KLHL32: variants seen among roughly 807,000 people sequenced by gnomAD.
KLHL32 encodes the protein kelch like family member 32, also known as kelch-like protein 32.
A neutral mutation model predicts 64.8 loss-of-function variants in KLHL32; 35 were observed. That is an observed-to-expected ratio of 0.54 (90% CI 0.41 to 0.72). The LOEUF (loss-of-function observed/expected upper bound fraction) is 0.72. KLHL32 is among the 30% of genes least tolerant of loss of function. The pLI is 0.00. For missense variants in KLHL32, 589 were observed against 768.5 expected (o/e 0.77, Z 2.76); for synonymous variants, 259 against 281.0 (o/e 0.92, Z 0.78).
intron 3 of KLHL32, among the ~76,000 whole-genome samples, chr6:97,011,982 G>A (rs1346769208): frequency 6.6e-6 from 1 of 151,302 alleles, no homozygotes; most frequent in African/African-American, 2.4e-5. Flanking sequence ...CTTTACAGAT[G>A]ATGAATTAAA....
chr6:96,923,303 A>T (rs1480753738), upstream of KLHL32, among the ~76,000 whole-genome samples: 4 of 152,188 alleles, frequency 2.6e-5, no homozygotes, highest in African/African-American at 9.7e-5. Context: ...AGTCACTGTC[A>T]ATATTTTTGG....
intron 3 of KLHL32, among the ~76,000 whole-genome samples, chr6:97,038,919 C>A (rs1446723664): frequency 6.6e-6 from 1 of 150,920 alleles, no homozygotes; most frequent in African/African-American, 2.4e-5. Flanking sequence ...GGTGAAACCC[C>A]GCTCTACTAA....
chr6:97,031,612 A>C (rs1437094928), intron 3 of KLHL32, among the ~76,000 whole-genome samples: 1 of 152,166 alleles, frequency 6.6e-6, no homozygotes, highest in East Asian at 1.9e-4. Context: ...TGGTGGGATT[A>C]TAGTCATGAC....
chr6:97,007,456 C>G (rs1479867437), intron 3 of KLHL32, among the ~76,000 whole-genome samples: 2 of 152,030 alleles, frequency 1.3e-5, no homozygotes, highest in Non-Finnish European at 2.9e-5. Context: ...GATCTTTGTT[C>G]CTATCCATAT....
chr6:96,961,447 A>G (rs1359994265), intron 1 of KLHL32, among the ~76,000 whole-genome samples: 1 of 152,180 alleles, frequency 6.6e-6, no homozygotes, highest in East Asian at 1.9e-4. Context: ...CTTTCTTTGT[A>G]TGTCATCAAG....
In KLHL32 at chr6:97,139,201, A is replaced by G. The variant is rs1252015135; in HGVS notation, c.1782A>G (p.Ala594=). The G allele has an allele frequency of 2.5e-6, 4 of 1,613,958 alleles. No homozygotes were observed. In the Admixed American group the frequency reaches 6.7e-5, roughly 27 times the overall value. The change falls in exon 11 of 11, where the codon GCA becomes GCG. Residue 594 remains alanine (A), a synonymous_variant. Transcript: ENST00000369261. ...CTTTTGCTTCCAATGGAATAGCAGCATGCTTCCTTCCAGCTCCATATTTTA... is the reference window on the plus strand; with the variant it reads ...CTTTTGCTTCCAATGGAATAGCAGCGTGCTTCCTTCCAGCTCCATATTTTA... ...TLPFASNGIA[A]CFLPAPYFTC... is the part of the protein sequence containing the mutation.
At chr6:97,075,566 T>A (rs1791468382) in intron 5 of KLHL32, among the ~76,000 whole-genome samples, 2 of 152,176 alleles carry the variant, frequency 1.3e-5, no homozygotes, top group South Asian at 4.1e-4. Context: ...CTTTCCTATA[T>A]AACTGATCCC....
In KLHL32 at chr6:97,107,670, A is replaced by C. The variant is rs549815976; in HGVS notation, c.628-6113A>C. 2.6e-5 allele frequency among the ~76,000 whole-genome samples: 4 copies of C among 152,342 alleles called. No individual in the cohort carries two copies. The East Asian group carries it at 7.7e-4, about 29-fold the overall frequency. On this transcript the variant is annotated intron_variant, in intron 6 of 10. Transcript: ENST00000369261. ...AAGAAAACAAGGGCTTATGAATCTAAGTTTAGGGCACTGTATGCTGCAGTG... is the reference window on the plus strand; with the variant it reads ...AAGAAAACAAGGGCTTATGAATCTACGTTTAGGGCACTGTATGCTGCAGTG...
chr6:97,106,138 G>T (rs1336126644), intron 6 of KLHL32, among the ~76,000 whole-genome samples: 1 of 152,058 alleles, frequency 6.6e-6, no homozygotes, highest in African/African-American at 2.4e-5. Context: ...GTCTGAGTGT[G>T]TTTCACATGA....
At chr6:96,965,995 C>A (rs1417231310) in intron 1 of KLHL32, among the ~76,000 whole-genome samples, 1 of 152,080 alleles carries the variant, frequency 6.6e-6, no homozygotes, top group Non-Finnish European at 1.5e-5. Context: ...TGCAGTCATA[C>A]CAATTGAGGG....
At chr6:96,928,857 A>G (rs544828994) in intron 1 of KLHL32, among the ~76,000 whole-genome samples, 24 of 151,516 alleles carry the variant, frequency 1.6e-4, no homozygotes, top group Admixed American at 8.5e-4. Context: ...TCTTACAGAT[A>G]CAGATTTTAA....
intron 5 of KLHL32, among the ~76,000 whole-genome samples, chr6:97,074,310 AG>A (rs1277321482): frequency 6.6e-6 from 1 of 152,190 alleles, no homozygotes; most frequent in Non-Finnish European, 1.5e-5. Context: ...TGTCTGAACT[AG>A]GGAGCACAGT....
At chr6:97,116,378 G>A (rs764155419) in intron 7 of KLHL32, among the ~76,000 whole-genome samples, 1 of 152,012 alleles carries the variant, frequency 6.6e-6, no homozygotes, top group Non-Finnish European at 1.5e-5. Flanking sequence ...CAGCAAATAA[G>A]TCTTTGCTAA....
intron 5 of KLHL32, among the ~76,000 whole-genome samples, chr6:97,075,798 AT>A (rs1298488791): frequency 1.3e-5 from 2 of 152,156 alleles, no homozygotes; most frequent in African/African-American, 4.8e-5. Context: ...ACAACTGGGT[AT>A]GGTGCCTTGG....
chr6:97,111,032 G>C (rs549690687), intron 6 of KLHL32, among the ~76,000 whole-genome samples: 14 of 145,614 alleles, frequency 9.6e-5, no homozygotes, highest in South Asian at 2.1e-4. Context: ...AAAAGTCTTG[G>C]GGGGGGGGGG....
rs529114235 is a variant in KLHL32 at position 96,978,755 on chromosome 6, C to T, written c.204+2578C>T. 2.1e-4 allele frequency among the ~76,000 whole-genome samples: 32 copies of T among 152,302 alleles called. No homozygotes were observed. In the South Asian group the frequency reaches 4.6e-3, roughly 22 times the overall value. On this transcript the variant is annotated intron_variant, in intron 3 of 10. Coordinates refer to ENST00000369261, the MANE Select transcript of KLHL32 (RefSeq NM_052904.4). ...ACAATGACTGAACTAATTTGCATTG[C>T]CACCAGCAGTGTATCAGCATTCTCT... is the stretch of plus-strand genomic sequence containing the variant.
chr6:96,908,786 C>T, the KLHL32 span, among the ~76,000 whole-genome samples: 1 of 152,016 alleles, frequency 6.6e-6, no homozygotes, highest in African/African-American at 2.4e-5. Flanking sequence ...CTGCCCCCTC[C>T]CCTTCACCAG....
intron 3 of KLHL32, among the ~76,000 whole-genome samples, chr6:97,023,243 T>G (rs1782260351): frequency 6.6e-6 from 1 of 152,210 alleles, no homozygotes; most frequent in South Asian, 2.1e-4. Flanking sequence ...TTTAGGTTTT[T>G]TAAAACATTT....
At chr6:96,966,786 C>T (rs978597316) in intron 1 of KLHL32, among the ~76,000 whole-genome samples, 1 of 152,152 alleles carries the variant, frequency 6.6e-6, no homozygotes, top group African/African-American at 2.4e-5. Context: ...ACTTCCTAGT[C>T]CTTGAAGCTT....
Sources: allele counts gnomAD v4.1 joint callset (sites outside exome capture counted in the v4.1 genomes callset), GRCh38; gene constraint gnomAD v4.1.1; transcripts MANE v1.5; gene names NCBI Gene and HGNC (gene_info 2026-07-23, HGNC 2026-07-21).